Variants in POLE2 observed in about 807,000 individuals in gnomAD.
The protein encoded by POLE2 is DNA polymerase epsilon 2, accessory subunit, also known as DNA polymerase epsilon subunit 2.
Under a neutral mutation model 79.4 loss-of-function variants are expected in POLE2, and 56 were observed. That is an observed-to-expected ratio of 0.71 (90% confidence interval 0.57 to 0.88). POLE2 has a LOEUF of 0.88. Among genes scored for constraint, POLE2 ranks in the 40% least tolerant of loss-of-function variants. POLE2 has a pLI of 0.00. For missense variants in POLE2, 598 were observed against 638.9 expected, an observed-to-expected ratio of 0.94 and a Z score of 0.69; for synonymous variants, 212 against 214.0, an observed-to-expected ratio of 0.99 and a Z score of 0.08.
chr14:49,665,053 T>C, intron 8 of POLE2, 54 bp downstream of exon 8: 1 of 818,914 alleles, frequency 1.2e-6, no homozygotes, highest in East Asian at 2.5e-5. Context: ...ATATAATCAA[T>C]TTCCCCAATT....
At chr14:49,668,671 G>T (rs1462296392) in intron 6 of POLE2, among the ~76,000 whole-genome samples, 1 of 152,152 alleles carries the variant, frequency 6.6e-6, no homozygotes, top group East Asian at 1.9e-4. Context: ...GAGGAGAAAA[G>T]GGAAAAGGCT....
rs1043158121 is a variant in POLE2, at chr14:49,684,956, A to T, written c.69-1263T>A. 2.0e-5 allele frequency among the ~76,000 whole-genome samples: 3 copies of T among 152,156 alleles called. No homozygotes were observed. In the East Asian group the frequency reaches 5.8e-4, roughly 29 times the overall value. On this transcript the variant is annotated intron_variant, in intron 1 of 18. Transcript: ENST00000216367. ...CGGGCCACTACACTCCAGCCTGGGC[A>T]ACAGAGAAACTCCATCTCAAAAAAA...
chr14:49,663,138 T>C (rs1885205125), intron 10 of POLE2, among the ~76,000 whole-genome samples, 177 bp downstream of exon 10: 5 of 152,256 alleles, frequency 3.3e-5, no homozygotes, highest in Admixed American at 3.3e-4. Context: ...TTGGCCAATC[T>C]GCTAGTTTTC....
At chr14:49,652,032 A>G (rs1884282130) in intron 15 of POLE2, among the ~76,000 whole-genome samples, 1 of 152,168 alleles carries the variant, frequency 6.6e-6, no homozygotes, top group African/African-American at 2.4e-5. Context: ...TACCACTGCA[A>G]GGATACGGCT....
In POLE2 at chr14:49,685,789, G is replaced by GTTT. The variant is rs553198026; in HGVS notation, c.69-2099_69-2097dup. Among the ~76,000 whole-genome samples, 37 of 144,286 alleles carry GTTT rather than the reference G, an allele frequency of 2.6e-4. 1 individual carries two copies. Among genetic ancestry groups the GTTT allele is most frequent in the African/African-American group, 9.4e-4 (37 of 39,532 alleles). 94.7% of individuals were successfully genotyped at this position (144,286 alleles called of 152,430 possible). ...GCACATCACCACGTCTGGCTGGTTG[G>GTTT]TTTTTTTTTTTGTATTTTTAGTAGA... On this transcript the variant is annotated intron_variant, in intron 1 of 18. Coordinates refer to ENST00000216367, the MANE Select transcript of POLE2 (RefSeq NM_002692.4).
chr14:49,670,253 T>G (rs543642505), intron 5 of POLE2, among the ~76,000 whole-genome samples: 1 of 138,908 alleles, frequency 7.2e-6, no homozygotes, highest in East Asian at 2.1e-4. Flanking sequence ...GAGGCAGAGG[T>G]TGCAGTGAGC....
intron 5 of POLE2, among the ~76,000 whole-genome samples, chr14:49,670,317 CAAAAAAAAAAAAAAA>C (rs61383006): frequency 6.8e-5 from 4 of 59,106 alleles, no homozygotes; most frequent in South Asian, 4.6e-4. Flanking sequence ...ACTGTGTCTC[CAAAAAAAAAAAAAAA>C]AAAAAAAAAA....
chr14:49,652,138 C>A, intron 15 of POLE2, among the ~76,000 whole-genome samples: 1 of 152,024 alleles, frequency 6.6e-6, no homozygotes, highest in Non-Finnish European at 1.5e-5. Context: ...TACAGGATCA[C>A]TTTCACACTG....
At chr14:49,679,947 G>A (rs1886580990) in intron 2 of POLE2, 147 bp from the exon 3 acceptor site, 1 of 582,844 alleles carries the variant, frequency 1.7e-6, no homozygotes, top group Non-Finnish European at 3.1e-6. Flanking sequence ...TGTTAGGTCA[G>A]AACAATAACA....
intron 10 of POLE2, among the ~76,000 whole-genome samples, chr14:49,656,690 T>G (rs535779607): frequency 3.9e-5 from 6 of 152,176 alleles, no homozygotes; most frequent in Non-Finnish European, 8.8e-5. Context: ...CACTCTACAC[T>G]GACATCCTGC....
intron 10 of POLE2, among the ~76,000 whole-genome samples, chr14:49,661,514 A>T (rs188566955): frequency 5.9e-5 from 9 of 152,324 alleles, no homozygotes; most frequent in Admixed American, 3.9e-4. Flanking sequence ...ATATTGAGAA[A>T]TTAAACTTCA....
chr14:49,647,368 G>C lies in POLE2; in HGVS notation c.1498-8C>G, dbSNP rs765081160. 1 of 1,491,462 alleles carries C rather than the reference G, an allele frequency of 6.7e-7. No homozygotes were observed. Among genetic ancestry groups the C allele is most frequent in the Admixed American group, 2.0e-5 (1 of 50,244 alleles). The allele number at this position is 1,491,462 out of a possible 1,614,324, so 92.4% of individuals were successfully genotyped here. On this transcript the variant is annotated splice_polypyrimidine_tract_variant and splice_region_variant and intron_variant, in intron 17 of 18. Transcript: ENST00000216367. ...ACTTCTTGGAAAAGAGCCCTTTGGG[G>C]GAGAAAAATGCCTGTAAGTGAATGC...
chr14:49,654,062 G>C lies in POLE2; in HGVS notation c.1139C>G (p.Pro380Arg), dbSNP rs1884473176. The C allele has an allele frequency of 6.2e-7, 1 of 1,602,702 alleles. No homozygotes were observed. ...PGFGSILPRP[P>R]LAESITNEFR... The stretch of plus-strand genomic sequence containing the variant: ...TTCATTAGTGATGCTTTCAGCAAGT[G>C]GTGGCCTATAAAAACAATTTATGTG... Residue 380 changes from proline to arginine, a missense_variant, in exon 15 of 19, where the codon CCA (proline) becomes CGA (arginine). Coordinates refer to ENST00000216367, the MANE Select transcript of POLE2 (RefSeq NM_002692.4).
chr14:49,668,225 G>T (rs1045637969), intron 6 of POLE2, among the ~76,000 whole-genome samples: 1 of 151,978 alleles, frequency 6.6e-6, no homozygotes, highest in Non-Finnish European at 1.5e-5. Context: ...AGCCAAGATC[G>T]CACTACTGAA....
At chr14:49,671,312 C>T (rs1023692021) in intron 5 of POLE2, among the ~76,000 whole-genome samples, 1 of 152,196 alleles carries the variant, frequency 6.6e-6, no homozygotes, top group African/African-American at 2.4e-5. Context: ...CAAGTCCAGT[C>T]AGTGACATAA....
At chr14:49,650,739 G>C (rs958811567) in intron 16 of POLE2, among the ~76,000 whole-genome samples, 3 of 152,120 alleles carry the variant, frequency 2.0e-5, no homozygotes, top group African/African-American at 7.2e-5. Context: ...TGGGATTACA[G>C]GCATAAGCCA....
At chr14:49,643,718 C>T (rs201181277) in intron 18 of POLE2, 48 bp from the exon 19 acceptor site, 2 of 958,764 alleles carry the variant, frequency 2.1e-6, no homozygotes, top group African/African-American at 3.3e-5. Flanking sequence ...AAGTTGTATA[C>T]TTACTAATAG....
At position 49,643,617 on chromosome 14, in the gene POLE2, A is replaced by G. The variant is rs1271868451; in HGVS notation, c.*35T>C. On this transcript the variant is annotated 3_prime_UTR_variant, in exon 19 of 19. Coordinates refer to ENST00000216367, the MANE Select transcript of POLE2 (RefSeq NM_002692.4). ...CATAAGATATAGAGTTAAGCAGAAA[A>G]CTGATGAATTTTCTTCAGATGATCT... 1 of 1,217,178 alleles carries G rather than the reference A, an allele frequency of 8.2e-7. No individual in the cohort carries two copies. The highest frequency in any genetic ancestry group is 1.2e-6 in the Non-Finnish European group (1 of 845,080). The allele number at this position is 1,217,178 out of a possible 1,614,324, so 75.4% of individuals were successfully genotyped here. A position where few individuals can be genotyped will look rare whatever the true frequency, so the allele number is the denominator to read the frequency against.
intron 6 of POLE2, 80 bp from the exon 7 acceptor site, chr14:49,666,493 TG>T: frequency 1.8e-6 from 1 of 545,972 alleles, no homozygotes; most frequent in East Asian, 3.5e-5. Flanking sequence ...TAACTATATT[TG>T]GGGTATACAT....
Sources: gnomAD v4.1 joint callset for allele counts (sites outside exome capture counted in the v4.1 genomes callset) on GRCh38, gnomAD v4.1.1 for gene constraint, MANE v1.5 for transcripts, NCBI Gene and HGNC (gene_info 2026-07-23, HGNC 2026-07-21) for gene names.